Variants in FBXL13 observed in about 807,000 individuals in gnomAD.
FBXL13 encodes the protein F-box and leucine-rich repeat protein 13.
FBXL13 carries 67 observed loss-of-function variants against 83.6 expected under a neutral mutation model. That is an observed-to-expected ratio of 0.80 (90% confidence interval 0.66 to 0.98). The LOEUF (loss-of-function observed/expected upper bound fraction) is 0.98. Ranked by LOEUF, FBXL13 falls within the 50% of genes least tolerant of loss-of-function variation. The pLI, the probability that FBXL13 is intolerant of heterozygous loss-of-function variation, is 0.00. For missense variants in FBXL13, 822 were observed against 866.5 expected (o/e 0.95, Z 0.64); for synonymous variants, 272 against 299.5 (o/e 0.91, Z 0.95).
chr7:102,985,506 G>A (rs1483370503), intron 6 of FBXL13, among the ~76,000 whole-genome samples: 2 of 152,178 alleles, frequency 1.3e-5, no homozygotes, highest in South Asian at 2.1e-4. Context: ...TCCCCAGAAA[G>A]GGGGAGTAGA....
chr7:103,029,504 G>A, intron 2 of FBXL13, 86 bp from the exon 4 acceptor site: 1 of 689,802 alleles, frequency 1.4e-6, no homozygotes, highest in Non-Finnish European at 2.2e-6. Context: ...AAGAAAAAGA[G>A]AGCAATGGAT....
intron 8 of FBXL13, among the ~76,000 whole-genome samples, chr7:102,932,827 T>C (rs1321265896): frequency 6.6e-6 from 1 of 152,134 alleles, no homozygotes; most frequent in South Asian, 2.1e-4. Context: ...CAGACTGGTC[T>C]CAAGAGATCT....
At position 102,813,460 on chromosome 7, in the gene FBXL13, A is replaced by T. The variant is rs1797578424; in HGVS notation, c.2090T>A (p.Phe697Tyr). 8 of 1,614,034 alleles carry T rather than the reference A, an allele frequency of 5.0e-6. No homozygotes were observed. Among genetic ancestry groups the T allele is most frequent in the African/African-American group, 2.7e-5 (2 of 74,904 alleles). ...AGGGTTTCCTTCCCTATCATAGCCAAACCAACGTGGAGGGTCATTAGTGTT... is the reference window on the plus strand; with the variant it reads ...AGGGTTTCCTTCCCTATCATAGCCATACCAACGTGGAGGGTCATTAGTGTT... The change falls in exon 20 of 20, where the codon TTT becomes TAT. Residue 697 changes from phenylalanine to tyrosine, a missense_variant. Coordinates refer to ENST00000313221, the Ensembl canonical transcript of FBXL13.
intron 7 of FBXL13, among the ~76,000 whole-genome samples, chr7:102,964,127 A>G (rs1825702417): frequency 6.6e-6 from 1 of 151,980 alleles, no homozygotes. Flanking sequence ...CCTAGCCAAC[A>G]TGGCAAAACC....
chr7:103,060,036 A>ATT (rs1411862819), intron 1 of FBXL13, among the ~76,000 whole-genome samples: 3 of 92,356 alleles, frequency 3.2e-5, no homozygotes, highest in African/African-American at 1.5e-4. Context: ...ATATATATAT[A>ATT]TATATATATA....
At chr7:102,897,046 G>C (rs1366959460) in intron 11 of FBXL13, among the ~76,000 whole-genome samples, 1 of 151,742 alleles carries the variant, frequency 6.6e-6, no homozygotes, top group Non-Finnish European at 1.5e-5. Context: ...TAAATTTTGA[G>C]AGAAATGTCT....
intron 2 of FBXL13, among the ~76,000 whole-genome samples, chr7:103,046,426 C>G (rs1796284488): frequency 6.6e-6 from 1 of 152,192 alleles, no homozygotes; most frequent in Non-Finnish European, 1.5e-5. Flanking sequence ...AAATGATGTC[C>G]TTCTAGAAGA....
intron 1 of FBXL13, among the ~76,000 whole-genome samples, chr7:103,067,496 C>T (rs898734949): frequency 3.9e-5 from 6 of 152,212 alleles, no homozygotes; most frequent in Admixed American, 1.3e-4. Context: ...TGAGTAACTT[C>T]TGGGGCTAGG....
chr7:103,022,510 C>T (rs1207993686), intron 6 of FBXL13, among the ~76,000 whole-genome samples: 1 of 150,992 alleles, frequency 6.6e-6, no homozygotes, highest in Admixed American at 6.6e-5. Flanking sequence ...ACTAATGGAA[C>T]AGAATAAAGA....
chr7:102,822,139 G>A, exon 19 of FBXL13: 1 of 1,614,208 alleles, frequency 6.2e-7, no homozygotes, highest in Non-Finnish European at 8.5e-7. Context: ...GACACAACCA[G>A]AGATATCCAA....
chr7:102,958,715 C>G (rs1824702593), intron 8 of FBXL13, among the ~76,000 whole-genome samples: 2 of 151,784 alleles, frequency 1.3e-5, no homozygotes, highest in South Asian at 4.2e-4. Context: ...GCCCAAAATC[C>G]AAGAATGAAT....
chr7:102,844,644 A>G (rs1452205931), intron 17 of FBXL13, among the ~76,000 whole-genome samples: 2 of 152,140 alleles, frequency 1.3e-5, no homozygotes, highest in African/African-American at 2.4e-5. Flanking sequence ...CTGATACCAG[A>G]TGTGTGGGTT....
At chr7:102,861,494 A>G (rs1806827269) in intron 16 of FBXL13, among the ~76,000 whole-genome samples, 1 of 152,134 alleles carries the variant, frequency 6.6e-6, no homozygotes, top group South Asian at 2.1e-4. Flanking sequence ...ACAACTGGTG[A>G]TGCTGTTGGG....
intron 16 of FBXL13, among the ~76,000 whole-genome samples, chr7:102,871,395 T>A (rs1382307848): frequency 6.6e-6 from 1 of 152,056 alleles, no homozygotes; most frequent in Non-Finnish European, 1.5e-5. Context: ...ATTTTAATTT[T>A]TTTTTTTTAA....
chr7:102,845,452 A>C (rs1309845607), intron 17 of FBXL13, among the ~76,000 whole-genome samples: 1 of 152,178 alleles, frequency 6.6e-6, no homozygotes, highest in African/African-American at 2.4e-5. Flanking sequence ...TCACATACTC[A>C]CAAGAAGAGA....
chr7:102,824,554 C>T (rs1221287364), intron 18 of FBXL13, among the ~76,000 whole-genome samples: 10 of 151,968 alleles, frequency 6.6e-5, no homozygotes, highest in African/African-American at 2.4e-4. Flanking sequence ...GGCACAATCT[C>T]GGCTCACTGC....
At chr7:103,065,563 G>A (rs1798315718) in intron 1 of FBXL13, among the ~76,000 whole-genome samples, 1 of 152,170 alleles carries the variant, frequency 6.6e-6, no homozygotes, top group Admixed American at 6.5e-5. Context: ...CTCATAAAGA[G>A]ATTCTAATAA....
rs773200925 is a variant in FBXL13 at position 102,883,703 on chromosome 7, GATTAA to G, written c.1108-23_1108-19del. On this transcript the variant is annotated intron_variant, in intron 12 of 19. Coordinates refer to ENST00000313221, the Ensembl canonical transcript of FBXL13. ...ACTAAAGCCTTTAGAAGAAAAAAATGATTAAATTAATCAAGTGTACAGAACAGGTT... is the reference window on the plus strand; with the variant it reads ...ACTAAAGCCTTTAGAAGAAAAAAATGATTAATCAAGTGTACAGAACAGGTT... The G allele has an allele frequency of 2.0e-6, 3 of 1,468,532 alleles. No homozygotes were observed. The highest frequency in any genetic ancestry group is 1.7e-5 in the Admixed American group (1 of 57,612). 91.0% of individuals were successfully genotyped at this position (1,468,532 alleles called of 1,614,324 possible). A position where few individuals can be genotyped will look rare whatever the true frequency, so the allele number is the denominator to read the frequency against.
chr7:103,024,857 A>ATATATATATATTTTT (rs1298384907), intron 6 of FBXL13, among the ~76,000 whole-genome samples: 3 of 62,854 alleles, frequency 4.8e-5, no homozygotes, highest in Admixed American at 2.5e-4. Flanking sequence ...ATATATATAT[A>ATATATATATATTTTT]TTTTTTTTTT....
Sources: allele counts gnomAD v4.1 joint callset (sites outside exome capture counted in the v4.1 genomes callset), GRCh38; gene constraint gnomAD v4.1.1; transcripts MANE v1.5; gene names NCBI Gene and HGNC (gene_info 2026-07-23, HGNC 2026-07-21).